TRHDE: variants seen among roughly 807,000 people sequenced by gnomAD.
TRHDE encodes thyrotropin-releasing hormone-degrading ectoenzyme.
A neutral mutation model predicts 125.7 loss-of-function variants in TRHDE; 72 were observed. The ratio of observed to expected loss-of-function variants is 0.57; its 90% confidence interval spans 0.47 to 0.70. The LOEUF (loss-of-function observed/expected upper bound fraction) is 0.70, where lower values mean the gene tolerates loss of function less well. Among genes scored for constraint, TRHDE ranks in the 30% least tolerant of loss-of-function variants. TRHDE has a pLI of 0.00. For synonymous variants in TRHDE, 509 were observed against 509.1 expected, an observed-to-expected ratio of 1.00 and a Z score of 0.00; for missense variants, 1,110 against 1,327.1, an observed-to-expected ratio of 0.84 and a Z score of 2.54.
At chr12:72,224,583 G>A (rs1878085966) in intron 2 of TRHDE, among the ~76,000 whole-genome samples, 1 of 152,094 alleles carries the variant, frequency 6.6e-6, no homozygotes, top group African/African-American at 2.4e-5. Context: ...TTTTAGAGGT[G>A]GTAATAAGTT....
intron 1 of TRHDE, among the ~76,000 whole-genome samples, chr12:72,279,031 G>C (rs1249224602): frequency 6.6e-6 from 1 of 152,156 alleles, no homozygotes; most frequent in Non-Finnish European, 1.5e-5. Flanking sequence ...TCCAAACTGA[G>C]CCTATCTGCT....
At chr12:72,602,370 T>G (rs550337240) in intron 12 of TRHDE, among the ~76,000 whole-genome samples, 2 of 151,956 alleles carry the variant, frequency 1.3e-5, no homozygotes, top group East Asian at 3.9e-4. Flanking sequence ...TCTGAGAAAA[T>G]ATGAAAAAAT....
intron 12 of TRHDE, among the ~76,000 whole-genome samples, chr12:72,603,040 T>C (rs952734426): frequency 6.6e-6 from 1 of 152,116 alleles, no homozygotes; most frequent in African/African-American, 2.4e-5. Flanking sequence ...GCTTCAAATA[T>C]ACCCATCTAT....
intron 1 of TRHDE, among the ~76,000 whole-genome samples, chr12:72,279,181 T>G (rs2139417255): frequency 6.6e-6 from 1 of 152,332 alleles, no homozygotes; most frequent in Middle Eastern, 3.4e-3. Context: ...CAGGACATGT[T>G]TTAGGTGTGC....
In TRHDE at chr12:72,273,825, G is replaced by T. The variant is rs574616379; in HGVS notation, c.914+268G>T. 2.7e-3 allele frequency: 1,144 copies of T among 427,598 alleles called. 3 individuals are homozygous for T. Among genetic ancestry groups the T allele is most frequent in the Admixed American group, 3.5e-3 (96 of 27,436 alleles). 26.5% of individuals were successfully genotyped at this position (427,598 alleles called of 1,614,324 possible). A position where few individuals can be genotyped will look rare whatever the true frequency, so the allele number is the denominator to read the frequency against. ...TCTAGTCGGGACCTCTCCTCTTCCT[G>T]TCAGAGTTCCTTAGCCATCGAAACG... On this transcript the variant is annotated intron_variant, in intron 1 of 18. Coordinates refer to ENST00000261180, the MANE Select transcript of TRHDE (RefSeq NM_013381.3). The surrounding 1 kb of genome is among the most constrained non-coding windows in gnomAD (Gnocchi z 5.3).
chr12:72,346,804 A>G (rs948365364), intron 2 of TRHDE, among the ~76,000 whole-genome samples: 1 of 152,090 alleles, frequency 6.6e-6, no homozygotes, highest in African/African-American at 2.4e-5. Flanking sequence ...AAAATACCAC[A>G]AACTGAGTGT....
At chr12:72,259,577 T>C (rs1031075862) in intron 2 of TRHDE, among the ~76,000 whole-genome samples, 1 of 152,208 alleles carries the variant, frequency 6.6e-6, no homozygotes, top group Non-Finnish European at 1.5e-5. Context: ...CTTAAATCCA[T>C]GTTTATTTAC....
intron 15 of TRHDE, among the ~76,000 whole-genome samples, chr12:72,634,598 C>A (rs1467136057): frequency 6.6e-6 from 1 of 151,720 alleles, no homozygotes; most frequent in Non-Finnish European, 1.5e-5. Flanking sequence ...TACGCTGCAA[C>A]CACTAACTCG....
At chr12:72,141,466 G>T (rs938651600) in intron 2 of TRHDE, among the ~76,000 whole-genome samples, 9 of 152,148 alleles carry the variant, frequency 5.9e-5, no homozygotes, top group African/African-American at 2.2e-4. Context: ...GAACAAGGTA[G>T]ACAATGCTCT....
At chr12:72,560,005 G>GA (rs756406724) in intron 7 of TRHDE, among the ~76,000 whole-genome samples, 42 of 151,664 alleles carry the variant, frequency 2.8e-4, no homozygotes, top group Admixed American at 1.6e-3. Flanking sequence ...TGGAATTAAT[G>GA]AAAAAAAATA....
At chr12:72,131,165 G>A (rs1395840928) in intron 2 of TRHDE, among the ~76,000 whole-genome samples, 1 of 145,860 alleles carries the variant, frequency 6.9e-6, no homozygotes, top group Non-Finnish European at 1.5e-5. Flanking sequence ...TCCGCCTCCC[G>A]GGTTCACGCC....
chr12:72,382,909 A>C (rs976496764), intron 3 of TRHDE, among the ~76,000 whole-genome samples: 3 of 152,116 alleles, frequency 2.0e-5, no homozygotes, highest in African/African-American at 7.2e-5. Flanking sequence ...TAAGGATTTG[A>C]GTTTCCACCT....
chr12:72,185,884 T>C (rs980965644), intron 2 of TRHDE, among the ~76,000 whole-genome samples: 1 of 152,172 alleles, frequency 6.6e-6, no homozygotes, highest in African/African-American at 2.4e-5. Flanking sequence ...ATCTAGCTGC[T>C]CTGGTGGGGC....
At chr12:72,242,324 A>T (rs1214187211) in intron 2 of TRHDE, among the ~76,000 whole-genome samples, 2 of 152,122 alleles carry the variant, frequency 1.3e-5, no homozygotes, top group African/African-American at 4.8e-5. Flanking sequence ...GCGGTTGGAA[A>T]GCTGGGGCTT....
At chr12:72,470,164 C>T (rs1484624125) in intron 4 of TRHDE, among the ~76,000 whole-genome samples, 1 of 152,210 alleles carries the variant, frequency 6.6e-6, no homozygotes, top group African/African-American at 2.4e-5. Context: ...TGCCACCCAG[C>T]AGCCTCTTTG....
intron 2 of TRHDE, among the ~76,000 whole-genome samples, chr12:72,219,899 A>G (rs761558175): frequency 1.5e-4 from 23 of 152,172 alleles, no homozygotes; most frequent in Non-Finnish European, 2.9e-4. Context: ...CAATTAAAAC[A>G]TAACATGGTA....
At chr12:72,312,563 G>T (rs1180167736) in intron 2 of TRHDE, among the ~76,000 whole-genome samples, 1 of 152,106 alleles carries the variant, frequency 6.6e-6, no homozygotes, top group Non-Finnish European at 1.5e-5. Context: ...GTAACAATGT[G>T]GTGGGTGTTA....
At chr12:72,132,970 C>G (rs911995459) in intron 2 of TRHDE, among the ~76,000 whole-genome samples, 1 of 151,976 alleles carries the variant, frequency 6.6e-6, no homozygotes, top group African/African-American at 2.4e-5. Flanking sequence ...AGAGAAGGGA[C>G]GATAGAAAAG....
chr12:72,103,735 A>C lies in TRHDE; in HGVS notation n.175-1913A>C, dbSNP rs1410587845. On this transcript the variant is annotated intron_variant and non_coding_transcript_variant, in intron 1 of 4. Transcript: ENST00000548156. ...AGCAGACAGTGAAACAAAAATTGGAATGCAAGTAATTTCTTTTCCTTTTTC... is the reference window on the plus strand; with the variant it reads ...AGCAGACAGTGAAACAAAAATTGGACTGCAAGTAATTTCTTTTCCTTTTTC... Among the ~76,000 whole-genome samples the C allele has an allele frequency of 2.6e-5, 4 of 152,206 alleles. No homozygotes were observed. The East Asian group carries it at 7.7e-4, about 29-fold the overall frequency.
Sources: gnomAD v4.1 joint callset for allele counts (sites outside exome capture counted in the v4.1 genomes callset) on GRCh38, gnomAD v4.1.1 for gene constraint, Gnocchi (gnomAD v3.1) non-coding constraint, MANE v1.5 for transcripts, NCBI Gene and HGNC (gene_info 2026-07-23, HGNC 2026-07-21) for gene names.